MAP3K20: variants seen among roughly 807,000 people sequenced by gnomAD.
MAP3K20 encodes HCCS-4.
Under a neutral mutation model 85.7 loss-of-function variants are expected in MAP3K20, and 40 were observed. The ratio of observed to expected loss-of-function variants is 0.47; its 90% CI spans 0.36 to 0.61. The LOEUF (loss-of-function observed/expected upper bound fraction) is 0.61. MAP3K20 is among the 20% of genes least tolerant of loss of function. The pLI is 0.00. For synonymous variants in MAP3K20, 325 were observed against 327.7 expected (o/e 0.99, Z 0.09); for missense variants, 817 against 961.7 (o/e 0.85, Z 1.99).
chr2:173,200,666 C>T (rs896528010), intron 8 of MAP3K20, among the ~76,000 whole-genome samples: 1 of 152,060 alleles, frequency 6.6e-6, no homozygotes, highest in South Asian at 2.1e-4. Flanking sequence ...TGTGGTTGTG[C>T]ATACCTGTAG....
In MAP3K20 at chr2:173,238,455, C is replaced by A; in HGVS notation, c.1266+20C>A. 1.3e-6 allele frequency: 2 copies of A among 1,599,164 alleles called. 1 individual carries two copies. Among genetic ancestry groups the A allele is most frequent in the South Asian group, 2.2e-5 (2 of 90,124 alleles). ...ATTAAGGTAAGTAAGGTTTTTCTTA[C>A]CGACACTAATGCTACCTTTATTGAC... On this transcript the variant is annotated intron_variant, in intron 15 of 19. Transcript: ENST00000375213.
intron 2 of MAP3K20, among the ~76,000 whole-genome samples, chr2:173,154,654 T>TA (rs1338415353): frequency 6.6e-6 from 1 of 152,232 alleles, no homozygotes; most frequent in Non-Finnish European, 1.5e-5. Flanking sequence ...AGCAGGAGTT[T>TA]ATTTCTTTTT....
At chr2:173,136,318 A>G (rs1688798633) in intron 2 of MAP3K20, among the ~76,000 whole-genome samples, 1 of 152,170 alleles carries the variant, frequency 6.6e-6, no homozygotes, top group Admixed American at 6.5e-5. Context: ...TGACTTAGTC[A>G]CTGTCATAAC....
At chr2:173,146,910 A>C (rs888346258) in intron 2 of MAP3K20, among the ~76,000 whole-genome samples, 4 of 152,140 alleles carry the variant, frequency 2.6e-5, no homozygotes, top group Admixed American at 1.3e-4. Flanking sequence ...AGTGGGTGTG[A>C]AGTGGTTTCT....
intron 3 of MAP3K20, among the ~76,000 whole-genome samples, chr2:173,178,286 T>C (rs1559265189): frequency 1.3e-5 from 2 of 152,174 alleles, no homozygotes; most frequent in African/African-American, 4.8e-5. Context: ...TTAGATGCAG[T>C]GAACAATTGT....
chr2:173,147,229 G>A (rs761066954), intron 2 of MAP3K20, among the ~76,000 whole-genome samples: 11 of 152,086 alleles, frequency 7.2e-5, no homozygotes, highest in African/African-American at 2.2e-4. Context: ...TTTAACTTTC[G>A]TTGCTTGTGC....
intron 17 of MAP3K20, among the ~76,000 whole-genome samples, 186 bp from the exon 18 acceptor site, chr2:173,260,877 G>GA: frequency 6.6e-6 from 1 of 152,332 alleles, no homozygotes; most frequent in African/African-American, 2.4e-5. Context: ...GATGTCTTAT[G>GA]AAAAGCAAAA....
rs1215745956 is a variant in MAP3K20 at position 173,075,932 on chromosome 2, C to A, written c.-105C>A. ...GCCGCGCGGGCCGCTGTCGTCCCAACCCCCGCCGCCCTCGTCGCGCGCGGG... is the reference window on the plus strand; with the variant it reads ...GCCGCGCGGGCCGCTGTCGTCCCAAACCCCGCCGCCCTCGTCGCGCGCGGG... On this transcript the variant is annotated 5_prime_UTR_variant, in exon 1 of 20. Transcript: ENST00000375213. 1 of 985,154 alleles carries A rather than the reference C, an allele frequency of 1.0e-6. No homozygotes were observed. Among genetic ancestry groups the A allele is most frequent in the Non-Finnish European group, 1.2e-6 (1 of 829,882 alleles). 61.0% of individuals were successfully genotyped at this position (985,154 alleles called of 1,614,324 possible). A position where few individuals can be genotyped will look rare whatever the true frequency, so the allele number is the denominator to read the frequency against.
At chr2:173,167,078 A>G (rs960885421) in intron 2 of MAP3K20, among the ~76,000 whole-genome samples, 3 of 151,698 alleles carry the variant, frequency 2.0e-5, no homozygotes, top group Non-Finnish European at 4.4e-5. Context: ...ACGCCCGGCT[A>G]ATTTTTTTTT....
At chr2:173,262,466 G>A (rs1322610384) in intron 18 of MAP3K20, among the ~76,000 whole-genome samples, 1 of 152,104 alleles carries the variant, frequency 6.6e-6, no homozygotes, top group Non-Finnish European at 1.5e-5. Context: ...TGGGCATGGT[G>A]GTGCATGCCT....
intron 3 of MAP3K20, among the ~76,000 whole-genome samples, chr2:173,170,350 T>G (rs972175944): frequency 6.6e-6 from 1 of 152,224 alleles, no homozygotes; most frequent in Admixed American, 6.5e-5. Context: ...TTTGGTCAAC[T>G]AAGTTGGTAA....
chr2:173,218,941 T>C (rs1474282274), intron 11 of MAP3K20, among the ~76,000 whole-genome samples: 1 of 152,206 alleles, frequency 6.6e-6, no homozygotes, highest in Non-Finnish European at 1.5e-5. Flanking sequence ...GGAACTGCTC[T>C]GAGGGCTACC....
rs1052026209 is a variant in MAP3K20 at position 173,248,587 on chromosome 2, C to T, written c.1359+9091C>T. Among the ~76,000 whole-genome samples the T allele has an allele frequency of 1.2e-4, 18 of 152,254 alleles. 1 individual carries two copies. The East Asian group carries it at 2.5e-3, about 21-fold the overall frequency. On this transcript the variant is annotated intron_variant, in intron 16 of 19. Coordinates refer to ENST00000375213, the MANE Select transcript of MAP3K20 (RefSeq NM_016653.3). ...GCTAGAGAGCTAGAGCAGAACTAGG[C>T]GAGGTGCTCAGTGCATACCTGCTGA...
intron 2 of MAP3K20, among the ~76,000 whole-genome samples, chr2:173,111,306 G>T (rs1014979731): frequency 1.3e-5 from 2 of 152,074 alleles, no homozygotes; most frequent in Admixed American, 1.3e-4. Context: ...TGAGTTTGTT[G>T]TAGATTCTGG....
chr2:173,231,522 T>TCTA (rs1684523143), intron 12 of MAP3K20, among the ~76,000 whole-genome samples: 1 of 152,224 alleles, frequency 6.6e-6, no homozygotes, highest in South Asian at 2.1e-4. Context: ...AACAGCTATT[T>TCTA]TTAGTCTTTG....
At chr2:173,133,399 G>C (rs1479328733) in intron 2 of MAP3K20, among the ~76,000 whole-genome samples, 2 of 152,192 alleles carry the variant, frequency 1.3e-5, no homozygotes, top group African/African-American at 2.4e-5. Context: ...AATGAGAGTA[G>C]ATGCCAGAGT....
chr2:173,215,442 T>C lies in MAP3K20; in HGVS notation c.852-1673T>C, dbSNP rs957927347. ...GTTTACGTGCATAGGCATAATATTT[T>C]TGTCAGAAATATCAGGGATAAAATT... is the stretch of plus-strand genomic sequence containing the variant. On this transcript the variant is annotated intron_variant, in intron 10 of 19. Transcript: ENST00000375213. 2.6e-5 allele frequency among the ~76,000 whole-genome samples: 4 copies of C among 152,230 alleles called. 1 individual carries two copies. The highest frequency in any genetic ancestry group is 2.6e-4 in the Admixed American group (4 of 15,286).
In MAP3K20 at chr2:173,100,820, G is replaced by A. The variant is rs190526134; in HGVS notation, c.159+9630G>A. On this transcript the variant is annotated intron_variant, in intron 2 of 19. Coordinates refer to ENST00000375213, the MANE Select transcript of MAP3K20 (RefSeq NM_016653.3). ...CGTATATAAATCATCATTTTGAATT[G>A]GAGAGTAAGCAATTTAAAATAATGG... Among the ~76,000 whole-genome samples, 384 of 152,192 alleles carry A rather than the reference G, an allele frequency of 2.5e-3. 2 individuals carry two copies. Among genetic ancestry groups the A allele is most frequent in the African/African-American group, 8.9e-3 (369 of 41,524 alleles).
intron 7 of MAP3K20, among the ~76,000 whole-genome samples, chr2:173,193,537 C>T (rs1311587389): frequency 6.6e-6 from 1 of 152,110 alleles, no homozygotes; most frequent in Non-Finnish European, 1.5e-5. Flanking sequence ...AGATGAAGTA[C>T]AATCTTAGTA....
Sources: allele counts gnomAD v4.1 joint callset (sites outside exome capture counted in the v4.1 genomes callset), GRCh38; gene constraint gnomAD v4.1.1; transcripts MANE v1.5; gene names NCBI Gene and HGNC (gene_info 2026-07-23, HGNC 2026-07-21).